SPOP: variants seen among roughly 807,000 people sequenced by gnomAD.
SPOP encodes the protein speckle type BTB/POZ protein.
In SPOP, 11 loss-of-function variants were observed where a neutral mutation model predicts 45.6. The observed-to-expected ratio is 0.24, with a 90% CI of 0.15 to 0.40. SPOP has a LOEUF of 0.40. Ranked by LOEUF, SPOP falls within the 10% of genes least tolerant of loss-of-function variation. The pLI is 1.00. For missense variants in SPOP, 152 were observed against 465.6 expected (o/e 0.33, Z 6.20); for synonymous variants, 166 against 166.3 (o/e 1.00, Z 0.01).
intron 5 of SPOP, among the ~76,000 whole-genome samples, chr17:49,617,722 G>A (rs1364503185): frequency 2.0e-5 from 3 of 151,834 alleles, no homozygotes; most frequent in African/African-American, 7.3e-5. Flanking sequence ...TCAGGAGTTC[G>A]AGACCAGCCT....
At chr17:49,674,877 C>T (rs982926484) in intron 1 of SPOP, among the ~76,000 whole-genome samples, 8 of 152,136 alleles carry the variant, frequency 5.3e-5, no homozygotes, top group Non-Finnish European at 8.8e-5. Context: ...CAAACAAAAT[C>T]CTCCATGACC....
chr17:49,676,936 C>CCAA (rs1399682710), intron 1 of SPOP, among the ~76,000 whole-genome samples: 5 of 152,174 alleles, frequency 3.3e-5, no homozygotes, highest in Non-Finnish European at 7.3e-5. Flanking sequence ...TTATTGTCCA[C>CCAA]CAACAGTTTC....
chr17:49,637,040 T>C (rs2072554520), intron 1 of SPOP, among the ~76,000 whole-genome samples: 1 of 152,096 alleles, frequency 6.6e-6, no homozygotes, highest in Non-Finnish European at 1.5e-5. Flanking sequence ...GGTGAAATCC[T>C]GCCTCAACCA....
intron 5 of SPOP, among the ~76,000 whole-genome samples, chr17:49,616,153 C>T (rs2072081256): frequency 6.6e-6 from 1 of 152,082 alleles, no homozygotes; most frequent in South Asian, 2.1e-4. Context: ...ACAAGACCAC[C>T]CATTCATCAT....
intron 1 of SPOP, among the ~76,000 whole-genome samples, chr17:49,624,059 C>CA: frequency 6.6e-6 from 1 of 152,160 alleles, no homozygotes; most frequent in East Asian, 1.9e-4. Context: ...AGTAGCAAAT[C>CA]AAATCCAACT....
At chr17:49,643,447 T>G (rs1353635738) in intron 1 of SPOP, among the ~76,000 whole-genome samples, 1 of 152,202 alleles carries the variant, frequency 6.6e-6, no homozygotes, top group African/African-American at 2.4e-5. Flanking sequence ...AAAATTTAAA[T>G]GTAATAATTC....
chr17:49,624,163 G>A (rs1356189331), intron 1 of SPOP, among the ~76,000 whole-genome samples: 1 of 152,092 alleles, frequency 6.6e-6, no homozygotes, highest in Non-Finnish European at 1.5e-5. Context: ...GGGAGATGTA[G>A]GTCAAGGGGT....
intron 5 of SPOP, among the ~76,000 whole-genome samples, chr17:49,611,910 TCTCA>T (rs1284259702): frequency 6.8e-6 from 1 of 146,258 alleles, no homozygotes; most frequent in Non-Finnish European, 1.5e-5. Context: ...TGAGACAGAG[TCTCA>T]CTATGTCACC....
At chr17:49,632,651 C>A (rs970706278) in intron 1 of SPOP, among the ~76,000 whole-genome samples, 11 of 152,128 alleles carry the variant, frequency 7.2e-5, no homozygotes, top group Admixed American at 3.3e-4. Flanking sequence ...CACCAACATG[C>A]CCAGGTAATT....
intron 2 of SPOP, 191 bp from the exon 3 acceptor site, chr17:49,622,258 A>G (rs1308998877): frequency 5.5e-6 from 4 of 727,222 alleles, no homozygotes; most frequent in African/African-American, 3.5e-5. Context: ...AATAGCTTTT[A>G]TAACTTTTTT....
intron 1 of SPOP, among the ~76,000 whole-genome samples, chr17:49,640,263 A>AG (rs2072622115): frequency 6.6e-6 from 1 of 152,142 alleles, no homozygotes; most frequent in African/African-American, 2.4e-5. Flanking sequence ...AAAAAAAAAA[A>AG]AAGTTCAAAG....
chr17:49,636,924 T>A (rs1313775582), intron 1 of SPOP: 1 of 152,174 alleles, frequency 6.6e-6, no homozygotes. Context: ...AGGTGATATA[T>A]GAAAGAAGAA....
In SPOP at chr17:49,600,700, G is replaced by A. The variant is rs1034917113; in HGVS notation, c.981-178C>T. Reference sequence around the variant, plus strand: ...TAGACAATGAGCAGACTGGTGACTTGCCTGTGGCTGTCGTCATCTGAAAAC... The same window carrying A: ...TAGACAATGAGCAGACTGGTGACTTACCTGTGGCTGTCGTCATCTGAAAAC... On this transcript the variant is annotated intron_variant, in intron 9 of 9. Transcript: ENST00000504102. This position sits in a 1 kb window ranked among gnomAD's most constrained non-coding sequence, Gnocchi z 4.2. The A allele has an allele frequency of 2.5e-5, 16 of 646,520 alleles. No individual in the cohort carries two copies. In the African/African-American group the frequency reaches 2.7e-4, roughly 11 times the overall value. The allele number at this position is 646,520 out of a possible 1,614,324, so 40.0% of individuals were successfully genotyped here.
intron 6 of SPOP, among the ~76,000 whole-genome samples, 186 bp from the exon 7 acceptor site, chr17:49,608,115 AATAC>A (rs35772489): frequency 0.013 from 1,974 of 152,334 alleles, 13 homozygotes; most frequent in Non-Finnish European, 0.018. Context: ...AACTAATTAT[AATAC>A]ATAAAGGAAA....
intron 1 of SPOP, among the ~76,000 whole-genome samples, chr17:49,634,896 G>C (rs749910144): frequency 6.6e-6 from 1 of 152,200 alleles, no homozygotes; most frequent in African/African-American, 2.4e-5. Context: ...TGCTCCAGGG[G>C]ATTTGGTCTC....
At position 49,622,842 on chromosome 17, in the gene SPOP, A is replaced by T. The variant is rs550262239; in HGVS notation, c.-32T>A. 2 of 1,581,674 alleles carry T rather than the reference A, an allele frequency of 1.3e-6. No homozygotes were observed. The highest frequency in any genetic ancestry group is 2.7e-5 in the African/African-American group (2 of 74,324). On this transcript the variant is annotated 5_prime_UTR_variant, in exon 2 of 10. Transcript: ENST00000504102. ...TTTGAAGGTTAAACGAGATTTCCAAAGTCAGGGGGCAAAGATTTCTGTTCC... is the reference window on the plus strand; with the variant it reads ...TTTGAAGGTTAAACGAGATTTCCAATGTCAGGGGGCAAAGATTTCTGTTCC...
intron 1 of SPOP, among the ~76,000 whole-genome samples, chr17:49,624,326 C>G (rs538519526): frequency 1.1e-5 from 1 of 93,444 alleles, no homozygotes; most frequent in Non-Finnish European, 2.3e-5. Context: ...CACACGCGCG[C>G]GCGCGCACAC....
At chr17:49,664,846 G>A (rs1044742616) in intron 1 of SPOP, among the ~76,000 whole-genome samples, 3 of 152,120 alleles carry the variant, frequency 2.0e-5, no homozygotes, top group South Asian at 2.1e-4. Context: ...AAACTCTTGC[G>A]GAAGACCCTG....
chr17:49,622,903 C>G, intron 1 of SPOP, 27 bp from the exon 2 acceptor site: 1 of 1,024,848 alleles, frequency 9.8e-7, no homozygotes, highest in Non-Finnish European at 1.5e-6. Context: ...AGCAAGAAAA[C>G]TTTATTAGAT....
Sources: allele counts gnomAD v4.1 joint callset (sites outside exome capture counted in the v4.1 genomes callset), GRCh38; gene constraint gnomAD v4.1.1; non-coding constraint Gnocchi (gnomAD v3.1); transcripts MANE v1.5; gene names NCBI Gene and HGNC (gene_info 2026-07-23, HGNC 2026-07-21).